Variants in ADGRL4 observed in about 807,000 individuals in gnomAD.
ADGRL4 encodes the protein adhesion G protein-coupled receptor L4, also known as EGF, latrophilin and seven transmembrane domain containing 1.
A neutral mutation model predicts 74.8 loss-of-function variants in ADGRL4; 90 were observed. The observed-to-expected ratio is 1.20, with a 90% CI of 1.02 to 1.43. The LOEUF (loss-of-function observed/expected upper bound fraction) is 1.43, where lower values mean the gene tolerates loss of function less well. ADGRL4 is among the 40% of genes most tolerant of loss of function. The pLI is 0.00. For synonymous variants in ADGRL4, 311 were observed against 279.2 expected (o/e 1.11, Z -1.14); for missense variants, 881 against 814.3 (o/e 1.08, Z -1.00).
intron 2 of ADGRL4, among the ~76,000 whole-genome samples, chr1:78,958,248 G>C (rs1649873811): frequency 6.6e-6 from 1 of 152,044 alleles, no homozygotes. Context: ...TGCAGCTCAG[G>C]GATCAAGGAA....
intron 2 of ADGRL4, among the ~76,000 whole-genome samples, chr1:78,999,813 T>TATCTATCTATC (rs1345590998): frequency 6.8e-6 from 1 of 148,048 alleles, no homozygotes; most frequent in Non-Finnish European, 1.5e-5. Flanking sequence ...TCTATCTATC[T>TATCTATCTATC]ATCTATCTAT....
chr1:78,889,986 A>G lies in ADGRL4; in HGVS notation c.*1168T>C, dbSNP rs1476906559. 4.1e-6 allele frequency: 1 copy of G among 245,264 alleles called. No homozygotes were observed. The allele number at this position is 245,264 out of a possible 1,614,324, so 15.2% of individuals were successfully genotyped here. On this transcript the variant is annotated 3_prime_UTR_variant, in exon 15 of 15. Transcript: ENST00000370742. ...TATATTTAAGCAGATATGATTTAAT[A>G]GATAGTAGAAAACTGTCAGAAAATG...
intron 2 of ADGRL4, among the ~76,000 whole-genome samples, chr1:78,997,587 G>C (rs1414293981): frequency 6.6e-6 from 1 of 152,094 alleles, no homozygotes; most frequent in Non-Finnish European, 1.5e-5. Flanking sequence ...TTTTGTAATT[G>C]TTTGGATGCA....
intron 2 of ADGRL4, among the ~76,000 whole-genome samples, chr1:78,987,412 A>C (rs1650520271): frequency 6.6e-6 from 1 of 151,822 alleles, no homozygotes. Flanking sequence ...ATATAAAATA[A>C]ACAAATGTAT....
rs145321649 is a variant in ADGRL4 at position 78,995,151 on chromosome 1, C to G, written c.172+9919G>C. Among the ~76,000 whole-genome samples, 399 of 152,268 alleles carry G rather than the reference C, an allele frequency of 2.6e-3. 2 individuals carry two copies. The highest frequency in any genetic ancestry group is 9.3e-3 in the African/African-American group (385 of 41,552). On this transcript the variant is annotated intron_variant, in intron 2 of 14. Coordinates refer to ENST00000370742, the MANE Select transcript of ADGRL4 (RefSeq NM_022159.4). ...TGACTAAACCTTCCCAATAGGAGAG[C>G]AAATATAAAAATCATGGATGTAACA... is the stretch of plus-strand genomic sequence containing the variant.
chr1:78,921,797 G>T lies in ADGRL4; in HGVS notation c.1084-11C>A, dbSNP rs759080295. On this transcript the variant is annotated splice_polypyrimidine_tract_variant and intron_variant, in intron 8 of 14. Transcript: ENST00000370742. ...ATACCTATCTGTGACCTGAAAAAAA[G>T]ATACTTTACTGATGAAAAAAGAGAA... 2.8e-6 allele frequency: 4 copies of T among 1,435,030 alleles called. No individual in the cohort carries two copies. The highest frequency in any genetic ancestry group is 1.5e-5 in the South Asian group (1 of 66,898). 88.9% of individuals were successfully genotyped at this position (1,435,030 alleles called of 1,614,324 possible).
chr1:78,964,024 C>T (rs543276367), intron 2 of ADGRL4, among the ~76,000 whole-genome samples: 41 of 152,260 alleles, frequency 2.7e-4, no homozygotes, highest in African/African-American at 7.7e-4. Context: ...TGCTTAGGTC[C>T]GCTGAACTGT....
At chr1:78,946,604 A>T (rs11162580) in intron 2 of ADGRL4, among the ~76,000 whole-genome samples, 178 bp from the exon 3 acceptor site, 18,497 of 152,196 alleles carry the variant, frequency 0.12, 1,287 homozygotes, top group East Asian at 0.33. Flanking sequence ...GTTTATAATA[A>T]GAGATCTTCT....
chr1:78,922,252 A>C (rs1424747124), intron 8 of ADGRL4, among the ~76,000 whole-genome samples: 1 of 152,028 alleles, frequency 6.6e-6, no homozygotes, highest in Non-Finnish European at 1.5e-5. Flanking sequence ...GGGTTGTCCA[A>C]GGGACGTCTC....
chr1:78,912,318 G>A (rs1180684789), intron 12 of ADGRL4, among the ~76,000 whole-genome samples: 4 of 151,810 alleles, frequency 2.6e-5, no homozygotes, highest in South Asian at 4.2e-4. Context: ...CTTGAAAACT[G>A]AGTTCCTGGC....
intron 2 of ADGRL4, among the ~76,000 whole-genome samples, chr1:78,962,665 T>C (rs1177178507): frequency 1.3e-5 from 2 of 152,226 alleles, no homozygotes; most frequent in African/African-American, 4.8e-5. Context: ...ATATCATTCA[T>C]GTATTTTGTT....
At chr1:78,968,501 G>C (rs1246132442) in intron 2 of ADGRL4, among the ~76,000 whole-genome samples, 4 of 125,540 alleles carry the variant, frequency 3.2e-5, no homozygotes, top group East Asian at 2.4e-4. Context: ...GGTGGAGGGC[G>C]GTGGGGGGGT....
chr1:78,899,468 C>T (rs1214742284), intron 12 of ADGRL4, among the ~76,000 whole-genome samples: 1 of 152,150 alleles, frequency 6.6e-6, no homozygotes, highest in East Asian at 1.9e-4. Context: ...ATCCTCCCAC[C>T]TCAGCCTCCT....
At chr1:78,949,640 T>C (rs181190925) in intron 2 of ADGRL4, among the ~76,000 whole-genome samples, 5 of 152,266 alleles carry the variant, frequency 3.3e-5, no homozygotes, top group Admixed American at 3.3e-4. Context: ...TTCATAATAA[T>C]TAATCTTCAA....
At chr1:78,934,022 T>C (rs1649299838) in intron 7 of ADGRL4, among the ~76,000 whole-genome samples, 2 of 152,030 alleles carry the variant, frequency 1.3e-5, no homozygotes. Context: ...AATCTATAGA[T>C]TCATGCTATT....
Position 78,938,213 on chromosome 1 carries a change from A to C in ADGRL4, c.463T>G (p.Ser155Ala), listed in dbSNP as rs1353414373. 6 of 1,611,764 alleles carry C rather than the reference A, an allele frequency of 3.7e-6. No homozygotes were observed. The highest frequency in any genetic ancestry group is 1.7e-5 in the Admixed American group (1 of 59,838). ...ATATATGTAATTATATCTGTTGGTG[A>C]AAGATCTGTCACAGAATTTCTATAG... is the stretch of plus-strand genomic sequence containing the variant. The part of the protein sequence containing the change: ...EVYRNSVTDL[S>A]PTDIITYIEI... The change falls in exon 5 of 15, where the codon TCA (serine) becomes GCA (alanine). Residue 155 changes from serine to alanine, a missense_variant. Physicochemically the swap from Ser to Ala is moderately conservative, Grantham distance 99 (BLOSUM62 1). Coordinates refer to ENST00000370742, the MANE Select transcript of ADGRL4 (RefSeq NM_022159.4).
chr1:79,002,492 A>G (rs1373749749), intron 2 of ADGRL4, among the ~76,000 whole-genome samples: 3 of 152,130 alleles, frequency 2.0e-5, no homozygotes, highest in Non-Finnish European at 4.4e-5. Flanking sequence ...ATGGGAATTA[A>G]GTCAGAATGT....
chr1:78,943,446 G>A (rs939914745), intron 3 of ADGRL4, among the ~76,000 whole-genome samples: 7 of 152,150 alleles, frequency 4.6e-5, no homozygotes, highest in African/African-American at 1.2e-4. Flanking sequence ...CTCACCCAGC[G>A]CTTTCTGCAG....
At chr1:78,903,186 G>T (rs556075786) in intron 12 of ADGRL4, among the ~76,000 whole-genome samples, 1 of 152,222 alleles carries the variant, frequency 6.6e-6, no homozygotes, top group East Asian at 1.9e-4. Context: ...CAAGGTGGAG[G>T]AATCCACCCT....
Sources: allele counts gnomAD v4.1 joint callset (sites outside exome capture counted in the v4.1 genomes callset), GRCh38; gene constraint gnomAD v4.1.1; transcripts MANE v1.5; gene names NCBI Gene and HGNC (gene_info 2026-07-23, HGNC 2026-07-21).